ENTREP2: variants seen among roughly 807,000 people sequenced by gnomAD.
ENTREP2 encodes the protein endosomal transmembrane epsin interactor 2.
chr15:29,393,186 G>T, the ENTREP2 span, among the ~76,000 whole-genome samples: 16 of 152,172 alleles, frequency 1.1e-4, no homozygotes, highest in African/African-American at 3.4e-4. Flanking sequence ...TTTCTTTGAT[G>T]CTTGAGCGCT....
At chr15:29,320,050 C>G in the ENTREP2 span, among the ~76,000 whole-genome samples, 1 of 152,244 alleles carries the variant, frequency 6.6e-6, no homozygotes, top group African/African-American at 2.4e-5. Flanking sequence ...AGTATTCCAT[C>G]TGGGGGAAGG....
At chr15:29,503,283 C>T in the ENTREP2 span, among the ~76,000 whole-genome samples, 1 of 152,118 alleles carries the variant, frequency 6.6e-6, no homozygotes, top group Admixed American at 6.5e-5. Context: ...CTATTGCATG[C>T]TATAACATGG....
At chr15:29,256,451 A>C in the ENTREP2 span, among the ~76,000 whole-genome samples, 1 of 152,238 alleles carries the variant, frequency 6.6e-6, no homozygotes, top group Non-Finnish European at 1.5e-5. Context: ...ACTATTTCTC[A>C]ACATAATTAA....
the ENTREP2 span, among the ~76,000 whole-genome samples, chr15:29,527,179 C>T: frequency 1.3e-5 from 2 of 152,142 alleles, no homozygotes; most frequent in Admixed American, 6.5e-5. Flanking sequence ...GCCATGCCCC[C>T]GTTTCTCCAC....
At chr15:29,268,349 G>A in the ENTREP2 span, 11 of 156,754 alleles carry the variant, frequency 7.0e-5, no homozygotes, top group African/African-American at 1.4e-4. Flanking sequence ...AATAAAATAG[G>A]TTAACATAAT....
chr15:29,658,795 TTTATAA>T, the ENTREP2 span, among the ~76,000 whole-genome samples: 13 of 152,318 alleles, frequency 8.5e-5, no homozygotes, highest in East Asian at 2.5e-3. Context: ...TAAAAAAAAC[TTTATAA>T]TTATAGCAAT....
the ENTREP2 span, among the ~76,000 whole-genome samples, chr15:29,397,374 G>C: frequency 6.6e-6 from 1 of 152,148 alleles, no homozygotes; most frequent in Non-Finnish European, 1.5e-5. Flanking sequence ...CTGGGCGACA[G>C]AGTGAGACTC....
chr15:29,597,952 T>C, the ENTREP2 span, among the ~76,000 whole-genome samples: 3 of 152,054 alleles, frequency 2.0e-5, no homozygotes, highest in African/African-American at 7.2e-5. Context: ...TGAAACCCTG[T>C]GTTTCCAAAA....
chr15:29,119,890 G>GGCTA, the ENTREP2 span, among the ~76,000 whole-genome samples: 1 of 152,124 alleles, frequency 6.6e-6, no homozygotes, highest in Non-Finnish European at 1.5e-5. Flanking sequence ...AGAGAGCCCT[G>GGCTA]GCTAGCTGAG....
the ENTREP2 span, chr15:29,376,351 T>C: frequency 2.6e-5 from 4 of 152,130 alleles, no homozygotes; most frequent in African/African-American, 9.7e-5. Flanking sequence ...ATCAGAGCTA[T>C]ATAATCTGAT....
the ENTREP2 span, among the ~76,000 whole-genome samples, chr15:29,242,957 T>C: frequency 6.6e-6 from 1 of 152,174 alleles, no homozygotes; most frequent in East Asian, 1.9e-4. Context: ...CCTGAGATTC[T>C]AGCACAGCTG....
the ENTREP2 span, among the ~76,000 whole-genome samples, chr15:29,652,651 G>C: frequency 1.3e-5 from 2 of 152,208 alleles, no homozygotes; most frequent in Non-Finnish European, 2.9e-5. Flanking sequence ...TTCCCCCCAG[G>C]GCCAGCCAAA....
At chr15:29,334,454 G>A in the ENTREP2 span, among the ~76,000 whole-genome samples, 1 of 152,146 alleles carries the variant, frequency 6.6e-6, no homozygotes, top group East Asian at 1.9e-4. Flanking sequence ...CTTCCTCATC[G>A]CAATCAATTC....
At chr15:29,210,078 A>C in the ENTREP2 span, among the ~76,000 whole-genome samples, 6 of 152,082 alleles carry the variant, frequency 3.9e-5, no homozygotes, top group Admixed American at 3.9e-4. Context: ...AGGGCTAGCT[A>C]ATTCCTTCAG....
chr15:29,194,456 A>G, the ENTREP2 span, among the ~76,000 whole-genome samples: 1 of 152,190 alleles, frequency 6.6e-6, no homozygotes, highest in Non-Finnish European at 1.5e-5. Flanking sequence ...TTCATGAGGG[A>G]GTTTAAAATA....
chr15:29,193,607 C>CTTAG, the ENTREP2 span, among the ~76,000 whole-genome samples: 1 of 152,204 alleles, frequency 6.6e-6, no homozygotes, highest in Admixed American at 6.5e-5. Context: ...CATAGGACTT[C>CTTAG]TTAGTCTCCA....
At chr15:29,597,949 C>T in the ENTREP2 span, among the ~76,000 whole-genome samples, 2 of 152,030 alleles carry the variant, frequency 1.3e-5, no homozygotes, top group Non-Finnish European at 2.9e-5. Context: ...TGATGAAACC[C>T]TGTGTTTCCA....
chr15:29,507,216 A>C, the ENTREP2 span, among the ~76,000 whole-genome samples: 17 of 152,252 alleles, frequency 1.1e-4, no homozygotes, highest in African/African-American at 4.1e-4. Flanking sequence ...ACTATCCTAA[A>C]TATAGATGCA....
the ENTREP2 span, among the ~76,000 whole-genome samples, chr15:29,126,847 G>T: frequency 2.6e-5 from 4 of 152,198 alleles, no homozygotes; most frequent in South Asian, 2.1e-4. Flanking sequence ...CCACCAGGTC[G>T]CGGCAGGCCA....
Sources: gnomAD v4.1 joint callset for allele counts (sites outside exome capture counted in the v4.1 genomes callset) on GRCh38, gnomAD v4.1.1 for gene constraint, MANE v1.5 for transcripts, NCBI Gene and HGNC (gene_info 2026-07-23, HGNC 2026-07-21) for gene names.